ANKRD26: variants seen among roughly 807,000 people sequenced by gnomAD.
ANKRD26 encodes ankyrin repeat domain 26.
In ANKRD26, 141 loss-of-function variants were observed where a neutral mutation model predicts 208.7. That is an observed-to-expected ratio of 0.68 (90% CI 0.59 to 0.78). ANKRD26 has a LOEUF of 0.78. Ranked by LOEUF, ANKRD26 falls within the 30% of genes least tolerant of loss-of-function variation. The pLI is 0.00. For synonymous variants in ANKRD26, 636 were observed against 660.4 expected (o/e 0.96, Z 0.57); for missense variants, 1,889 against 1,938.7 (o/e 0.97, Z 0.48).
At chr10:27,079,026 A>C in intron 7 of ANKRD26, 63 bp downstream of exon 7, 1 of 1,441,082 alleles carries the variant, frequency 6.9e-7, no homozygotes, top group Non-Finnish European at 9.8e-7. Context: ...CAAAATTTTA[A>C]GAGAATACTA....
chr10:27,064,259 T>C (rs2135472127), intron 11 of ANKRD26, among the ~76,000 whole-genome samples, 178 bp from the exon 12 acceptor site: 1 of 152,296 alleles, frequency 6.6e-6, no homozygotes, highest in South Asian at 2.1e-4. Context: ...TCATATATGC[T>C]CACTAGATTA....
intron 6 of ANKRD26, among the ~76,000 whole-genome samples, chr10:27,082,069 AAAAAAGG>A (rs771228250): frequency 0.013 from 413 of 31,824 alleles, 2 homozygotes; most frequent in East Asian, 0.023. Flanking sequence ...AAAAAAAAAA[AAAAAAGG>A]GAGAGAGAGA....
rs561437148 is a variant in ANKRD26, at chr10:27,033,024, G to A, written c.3807+201C>T. Among the ~76,000 whole-genome samples the A allele has an allele frequency of 2.8e-5, 4 of 144,054 alleles. No homozygotes were observed. In the East Asian group the frequency reaches 6.3e-4, roughly 23 times the overall value. 94.5% of individuals were successfully genotyped at this position (144,054 alleles called of 152,430 possible). A position where few individuals can be genotyped will look rare whatever the true frequency, so the allele number is the denominator to read the frequency against. On this transcript the variant is annotated intron_variant, in intron 25 of 33. Transcript: ENST00000376087. Reference sequence around the variant, plus strand: ...CGGGAGGTGGGGCTTGCATTGAGCCGAGATCGCGCCACTGTGCCACTGCAC... The same window carrying A: ...CGGGAGGTGGGGCTTGCATTGAGCCAAGATCGCGCCACTGTGCCACTGCAC...
Position 27,050,953 on chromosome 10 carries a change from T to A in ANKRD26, c.1636-1974A>T, listed in dbSNP as rs1465920327. 6 of 752,560 alleles carry A rather than the reference T, an allele frequency of 8.0e-6. No individual in the cohort carries two copies. In the East Asian group the frequency reaches 3.4e-4, roughly 43 times the overall value. The allele number at this position is 752,560 out of a possible 1,614,324, so 46.6% of individuals were successfully genotyped here. A position where few individuals can be genotyped will look rare whatever the true frequency, so the allele number is the denominator to read the frequency against. On this transcript the variant is annotated intron_variant, in intron 16 of 33. Coordinates refer to ENST00000376087, the MANE Select transcript of ANKRD26 (RefSeq NM_014915.3). ...TCTATTTCTAAACACAATTACATATTTAGGTAACACCATTTTATACATGAG... is the reference window on the plus strand; with the variant it reads ...TCTATTTCTAAACACAATTACATATATAGGTAACACCATTTTATACATGAG...
At chr10:27,000,747 T>A (rs2052703850), downstream of ANKRD26, among the ~76,000 whole-genome samples, 1 of 152,196 alleles carries the variant, frequency 6.6e-6, no homozygotes. Context: ...CTCACACCTG[T>A]AATCCCAGCA....
chr10:26,954,808 T>C, the ANKRD26 span, among the ~76,000 whole-genome samples: 14,430 of 151,994 alleles, frequency 0.095, 1,350 homozygotes, highest in East Asian at 0.48. Flanking sequence ...TTTCTTTTCC[T>C]CTACAGCTTT....
At chr10:27,090,181 C>T (rs2056253548) in intron 4 of ANKRD26, among the ~76,000 whole-genome samples, 1 of 152,188 alleles carries the variant, frequency 6.6e-6, no homozygotes, top group South Asian at 2.1e-4. Flanking sequence ...CATGGTGGCT[C>T]ATGCCTGTGA....
At chr10:27,056,161 C>T (rs923115678) in intron 15 of ANKRD26, among the ~76,000 whole-genome samples, 7 of 152,076 alleles carry the variant, frequency 4.6e-5, no homozygotes, top group African/African-American at 9.7e-5. Context: ...AAAGTACTTT[C>T]GCTAAAAATG....
intron 15 of ANKRD26, among the ~76,000 whole-genome samples, chr10:27,059,785 C>T (rs2054982227): frequency 6.6e-6 from 1 of 151,568 alleles, no homozygotes; most frequent in Non-Finnish European, 1.5e-5. Context: ...TGGTGTGTGC[C>T]CGGGGAGCTT....
chr10:26,955,690 G>A, the ANKRD26 span, among the ~76,000 whole-genome samples: 1 of 152,186 alleles, frequency 6.6e-6, no homozygotes, highest in African/African-American at 2.4e-5. Context: ...AAATAACAAA[G>A]CATAAAGAAA....
At chr10:26,971,883 A>G (rs934452729), downstream of ANKRD26, among the ~76,000 whole-genome samples, 2 of 152,074 alleles carry the variant, frequency 1.3e-5, no homozygotes, top group Admixed American at 1.3e-4. Context: ...TCTACCGTGC[A>G]GTTTCTGCCT....
chr10:27,079,133 A>G lies in ANKRD26; in HGVS notation c.769T>C (p.Ser257Pro), dbSNP rs779083834. 1.9e-6 allele frequency: 3 copies of G among 1,613,940 alleles called. No individual in the cohort carries two copies. The change falls in exon 7 of 34, where the codon TCA (serine) becomes CCA (proline). Residue 257 changes from serine (S) to proline (P), a missense_variant. By Grantham distance (74) the Ser-to-Pro change is moderately conservative. Around this residue, in one of 3 missense-constraint regions of ANKRD26, gnomAD observed 1,272 missense variants for 1,273.8 expected, o/e 1.00. Transcript: ENST00000376087. ...TCTTCGTCATCTGAGGTAGGCCATG[A>G]ATCATCAACACCCGGTTTGCCAGAA... ...RLSGKPGVDDSWPTSDDEDLN... is the reference protein window; with the variant it reads ...RLSGKPGVDDPWPTSDDEDLN...
chr10:26,991,017 T>C (rs573962080), downstream of ANKRD26, among the ~76,000 whole-genome samples: 77 of 152,294 alleles, frequency 5.1e-4, no homozygotes, highest in Admixed American at 8.5e-4. Context: ...AAGCTCGACT[T>C]CCTTGATGGA....
At position 27,077,504 on chromosome 10, in the gene ANKRD26, C is replaced by A. The variant is rs753321987; in HGVS notation, c.911G>T (p.Arg304Ile). ...GGAATCTCTATCCTCAAACAAAGTTCTATTTCCTGTTCTCACAGTGCCATA... is the reference window on the plus strand; with the variant it reads ...GGAATCTCTATCCTCAAACAAAGTTATATTTCCTGTTCTCACAGTGCCATA... ...ATYGTVRTGNRTLFEDRDSDS... is the reference protein window; with the variant it reads ...ATYGTVRTGNITLFEDRDSDS... Residue 304 changes from arginine to isoleucine, a missense_variant, in exon 9 of 34, where the codon AGA becomes ATA. This residue lies in a region of ANKRD26 where 1,272 missense variants were observed against 1,273.8 expected (regional missense o/e 1.00). Transcript: ENST00000376087. The A allele has an allele frequency of 8.7e-6, 14 of 1,613,782 alleles. No individual in the cohort carries two copies. In the Admixed American group the frequency reaches 2.3e-4, roughly 27 times the overall value.
rs763976823 is a variant in ANKRD26, at chr10:27,014,715, A to T, written c.4507-4T>A. ...TTTCTTGAGATGCTGCTTGTGCCTAAAACAAATTAAAAGCATATGTTTTAA... is the reference window on the plus strand; with the variant it reads ...TTTCTTGAGATGCTGCTTGTGCCTATAACAAATTAAAAGCATATGTTTTAA... On this transcript the variant is annotated splice_region_variant and splice_polypyrimidine_tract_variant and intron_variant, in intron 30 of 33. Transcript: ENST00000376087. 1 of 1,607,856 alleles carries T rather than the reference A, an allele frequency of 6.2e-7. No individual in the cohort carries two copies. The highest frequency in any genetic ancestry group is 8.5e-7 in the Non-Finnish European group (1 of 1,175,868).
chr10:27,075,870 A>C (rs1479288078), intron 9 of ANKRD26, among the ~76,000 whole-genome samples: 6 of 152,218 alleles, frequency 3.9e-5, no homozygotes. Context: ...AGTCTTAATA[A>C]ATTTTAAAAA....
intron 4 of ANKRD26, among the ~76,000 whole-genome samples, chr10:26,982,278 A>C (rs139740779): frequency 6.6e-6 from 1 of 152,312 alleles, no homozygotes; most frequent in Non-Finnish European, 1.5e-5. Flanking sequence ...GAGGGAGCTA[A>C]GTAGCCTTTT....
the ANKRD26 span, among the ~76,000 whole-genome samples, chr10:26,952,868 C>G: frequency 6.6e-6 from 1 of 152,182 alleles, no homozygotes; most frequent in African/African-American, 2.4e-5. Context: ...TGCTAAAGAA[C>G]AGACTTCTCT....
At chr10:27,015,702 C>G (rs774345305) in intron 30 of ANKRD26, among the ~76,000 whole-genome samples, 2 of 152,128 alleles carry the variant, frequency 1.3e-5, no homozygotes, top group African/African-American at 2.4e-5. Context: ...TCTACTCTCA[C>G]AACGGCTACA....
Sources: gnomAD v4.1 joint callset for allele counts (sites outside exome capture counted in the v4.1 genomes callset) on GRCh38, gnomAD v4.1.1 for gene constraint, gnomAD v4.1.1 regional missense constraint, MANE v1.5 for transcripts, NCBI Gene and HGNC (gene_info 2026-07-23, HGNC 2026-07-21) for gene names.